SLC25A48: variants seen among roughly 807,000 people sequenced by gnomAD.
SLC25A48 encodes CTC-321K16.1.
Under a neutral mutation model 32.2 loss-of-function variants are expected in SLC25A48, and 29 were observed. The ratio of observed to expected loss-of-function variants is 0.90; its 90% CI spans 0.67 to 1.23. The LOEUF (loss-of-function observed/expected upper bound fraction) is 1.23. Ranked by LOEUF, SLC25A48 falls within the 50% of genes most tolerant of loss-of-function variation. The pLI, the probability that SLC25A48 is intolerant of heterozygous loss-of-function variation, is 0.00. For missense variants in SLC25A48, 399 were observed against 422.7 expected, an observed-to-expected ratio of 0.94 and a Z score of 0.49; for synonymous variants, 164 against 172.3, an observed-to-expected ratio of 0.95 and a Z score of 0.38.
intron 1 of SLC25A48, among the ~76,000 whole-genome samples, chr5:135,613,431 A>G (rs1051810857): frequency 6.6e-6 from 1 of 152,160 alleles, no homozygotes; most frequent in African/African-American, 2.4e-5. Context: ...TAAGTTTATT[A>G]TAATTTCATT....
At chr5:135,808,404 C>T (rs1480920927) in intron 3 of SLC25A48, among the ~76,000 whole-genome samples, 1 of 151,912 alleles carries the variant, frequency 6.6e-6, no homozygotes, top group Non-Finnish European at 1.5e-5. Flanking sequence ...ATAAGAAACC[C>T]TAAATTTCAC....
At position 135,734,248 on chromosome 5, in the gene SLC25A48, A is replaced by G. The variant is rs536303010; in HGVS notation, c.-520-78275A>G. The stretch of plus-strand genomic sequence containing the variant: ...GGGATACGAGAGGAAGATGCAAAGG[A>G]GGCTTTGGGTTGGGAAGAAGGGTGG... On this transcript the variant is annotated intron_variant, in intron 3 of 10. Transcript: ENST00000646290. 4.6e-5 allele frequency among the ~76,000 whole-genome samples: 7 copies of G among 152,176 alleles called. No individual in the cohort carries two copies. In the East Asian group the frequency reaches 1.4e-3, roughly 29 times the overall value.
chr5:135,690,496 G>A (rs1320950179), intron 3 of SLC25A48, among the ~76,000 whole-genome samples: 3 of 152,184 alleles, frequency 2.0e-5, no homozygotes, highest in Admixed American at 6.5e-5. Flanking sequence ...AGTGATTCTA[G>A]AAATAACTTC....
At chr5:135,711,582 A>G (rs1754664488) in intron 3 of SLC25A48, among the ~76,000 whole-genome samples, 1 of 152,194 alleles carries the variant, frequency 6.6e-6, no homozygotes, top group Non-Finnish European at 1.5e-5. Context: ...TGCTAAGACC[A>G]TTAGACAATA....
intron 3 of SLC25A48, among the ~76,000 whole-genome samples, chr5:135,659,529 C>T (rs1384372134): frequency 6.6e-6 from 1 of 152,242 alleles, no homozygotes; most frequent in African/African-American, 2.4e-5. Context: ...CTTCCAACCT[C>T]TGCTCATTAT....
intron 3 of SLC25A48, among the ~76,000 whole-genome samples, chr5:135,656,310 CTG>C (rs960991183): frequency 1.2e-4 from 19 of 152,164 alleles, no homozygotes; most frequent in Non-Finnish European, 2.4e-4. Flanking sequence ...ACTGGCCATC[CTG>C]ATGTGCTACT....
intron 7 of SLC25A48, chr5:135,882,920 C>A: frequency 3.1e-6 from 1 of 326,258 alleles, no homozygotes; most frequent in Non-Finnish European, 4.4e-6. Context: ...ATAGCCCCGG[C>A]AACCCTGAGA....
At chr5:135,702,171 G>A (rs1754409025) in intron 3 of SLC25A48, among the ~76,000 whole-genome samples, 1 of 152,206 alleles carries the variant, frequency 6.6e-6, no homozygotes, top group Non-Finnish European at 1.5e-5. Flanking sequence ...CCTCTAGTGG[G>A]TTCCATAATA....
chr5:135,850,481 G>A lies in SLC25A48; in HGVS notation c.147G>A (p.Val49=), dbSNP rs200116281. ...YGNTLSCIRV[V]YRRESMFGFF... ...ACACCCTCAGCTGCATCCGCGTGGT[G>A]TACAGGAGGGAGAGTGTAAGTGCCC... is the stretch of plus-strand genomic sequence containing the variant. Residue 49 remains valine (V), a synonymous_variant, in exon 3 of 8, where the codon GTG becomes GTA. Transcript: ENST00000681962. 2.2e-5 allele frequency: 36 copies of A among 1,614,006 alleles called. No individual in the cohort carries two copies. Among genetic ancestry groups the A allele is most frequent in the African/African-American group, 1.2e-4 (9 of 74,938 alleles).
chr5:135,806,060 ATAT>A (rs1757456369), intron 3 of SLC25A48, among the ~76,000 whole-genome samples: 1 of 151,612 alleles, frequency 6.6e-6, no homozygotes, highest in South Asian at 2.1e-4. Context: ...GCTTAGGGAG[ATAT>A]TATCCCTAAT....
At chr5:135,791,200 G>A (rs545379710) in intron 3 of SLC25A48, among the ~76,000 whole-genome samples, 120 of 151,896 alleles carry the variant, frequency 7.9e-4, no homozygotes, top group African/African-American at 2.9e-3. Context: ...ATCACAGTGG[G>A]TGTACAACCT....
At chr5:135,769,260 G>GA (rs1561483924) in intron 3 of SLC25A48, among the ~76,000 whole-genome samples, 1 of 38,640 alleles carries the variant, frequency 2.6e-5, no homozygotes, top group South Asian at 1.1e-3. Flanking sequence ...TTGCAATATT[G>GA]GGGGGGGAGA....
At chr5:135,659,916 C>T (rs553880757) in intron 3 of SLC25A48, among the ~76,000 whole-genome samples, 1 of 152,346 alleles carries the variant, frequency 6.6e-6, no homozygotes, top group Admixed American at 6.5e-5. Flanking sequence ...TCAATCACCT[C>T]CCACCAGGTG....
At chr5:135,672,013 G>C (rs781415873) in intron 3 of SLC25A48, among the ~76,000 whole-genome samples, 15 of 152,180 alleles carry the variant, frequency 9.9e-5, no homozygotes, top group Non-Finnish European at 2.1e-4. Context: ...GGAGGTCTAA[G>C]CAAAGCCAAC....
intron 3 of SLC25A48, among the ~76,000 whole-genome samples, chr5:135,711,720 T>C (rs1754669218): frequency 6.6e-6 from 1 of 152,220 alleles, no homozygotes; most frequent in Admixed American, 6.5e-5. Flanking sequence ...CTGTCCATCC[T>C]TTTGTGCCCT....
At chr5:135,771,129 A>C (rs986892629) in intron 3 of SLC25A48, among the ~76,000 whole-genome samples, 10 of 151,630 alleles carry the variant, frequency 6.6e-5, no homozygotes, top group African/African-American at 2.4e-4. Flanking sequence ...TGTTTCTCCT[A>C]ATATTCAGTG....
At chr5:135,668,118 A>G (rs1165046608) in intron 3 of SLC25A48, among the ~76,000 whole-genome samples, 1 of 152,182 alleles carries the variant, frequency 6.6e-6, no homozygotes, top group Admixed American at 6.5e-5. Flanking sequence ...ATGTCATAAT[A>G]CCTAATAAGC....
intron 3 of SLC25A48, among the ~76,000 whole-genome samples, chr5:135,718,231 C>A (rs1754856006): frequency 6.6e-6 from 1 of 152,118 alleles, no homozygotes; most frequent in Non-Finnish European, 1.5e-5. Context: ...GTCCCCTTGG[C>A]TCCCCAGCAG....
At chr5:135,735,025 C>T (rs1003241007) in intron 3 of SLC25A48, among the ~76,000 whole-genome samples, 18 of 151,982 alleles carry the variant, frequency 1.2e-4, no homozygotes, top group Non-Finnish European at 1.6e-4. Flanking sequence ...GGCTGCCAGG[C>T]GAGTTAGAAA....
Sources: gnomAD v4.1 joint callset for allele counts (sites outside exome capture counted in the v4.1 genomes callset) on GRCh38, gnomAD v4.1.1 for gene constraint, MANE v1.5 for transcripts, NCBI Gene and HGNC (gene_info 2026-07-23, HGNC 2026-07-21) for gene names.